The following PLCD3 variants were observed in gnomAD, a reference collection of about 807,000 sequenced individuals.
PLCD3 encodes the protein 1-phosphatidylinositol 4,5-bisphosphate phosphodiesterase delta-3.
Under a neutral mutation model 82.8 loss-of-function variants are expected in PLCD3, and 62 were observed. The observed-to-expected ratio is 0.75, with a 90% CI of 0.61 to 0.93. The LOEUF is 0.93. Ranked by LOEUF, PLCD3 falls within the 40% of genes least tolerant of loss-of-function variation. The probability of loss-of-function intolerance (pLI) is 0.00; values close to 1 mark genes in which losing one functional copy is unlikely to be tolerated. For missense variants in PLCD3, 1,023 were observed against 1,103.4 expected, an observed-to-expected ratio of 0.93 and a Z score of 1.03; for synonymous variants, 478 against 471.8, an observed-to-expected ratio of 1.01 and a Z score of -0.17.
intron 1 of PLCD3, among the ~76,000 whole-genome samples, chr17:45,122,595 T>C (rs763197240): frequency 6.6e-6 from 1 of 152,164 alleles, no homozygotes; most frequent in Admixed American, 6.5e-5. Context: ...ATTTAATACA[T>C]GGCCCCAGTG....
In PLCD3 at chr17:45,118,109, T is replaced by C; in HGVS notation, c.1145A>G (p.Glu382Gly). 1 of 1,613,900 alleles carries C rather than the reference T, an allele frequency of 6.2e-7. No homozygotes were observed. Among genetic ancestry groups the C allele is most frequent in the Non-Finnish European group, 8.5e-7 (1 of 1,179,860 alleles). ...RAFAQGCRCV[E>G]LDCWEGPGGE... ...TCCTGGCCCCTCCCAGCAGTCCAGC[T>C]CCACGCAGCGGCATCCCTGGGCAAA... The change falls in exon 7 of 15, where the codon GAG (glutamate) becomes GGG (glycine). Residue 382 changes from glutamate to glycine, a missense_variant. By Grantham distance (98) the Glu-to-Gly change is moderately conservative. This residue lies in a region of PLCD3 where 553 missense variants were observed against 655.7 expected (regional missense o/e 0.84). Coordinates refer to ENST00000619929, the MANE Select transcript of PLCD3 (RefSeq NM_133373.5). This position sits in a 1 kb window ranked among gnomAD's most constrained non-coding sequence, Gnocchi z 4.1.
rs994089262 is a variant in PLCD3 at position 45,112,481 on chromosome 17, G to A, written c.*135C>T. On this transcript the variant is annotated 3_prime_UTR_variant, in exon 15 of 15. Coordinates refer to ENST00000619929, the MANE Select transcript of PLCD3 (RefSeq NM_133373.5). ...CAGCACCCAGGTGAGACCAGCGCCT[G>A]GTGAATGGGCTGAGTGGGCCAAGTG... 4.4e-5 allele frequency: 43 copies of A among 969,730 alleles called. No individual in the cohort carries two copies. The highest frequency in any genetic ancestry group is 3.5e-4 in the Admixed American group (17 of 48,754). 60.1% of individuals were successfully genotyped at this position (969,730 alleles called of 1,614,324 possible).
At chr17:45,112,750 G>A (rs1218695774) in intron 14 of PLCD3, 46 bp from the exon 15 acceptor site, 7 of 1,591,174 alleles carry the variant, frequency 4.4e-6, no homozygotes, top group African/African-American at 1.3e-5. Flanking sequence ...GCACCCTGGG[G>A]GTCTGGCCCA....
chr17:45,124,431 G>A (rs7223320), intron 1 of PLCD3, among the ~76,000 whole-genome samples: 113,127 of 152,158 alleles, frequency 0.74, 43,092 homozygotes, highest in South Asian at 0.86. Flanking sequence ...CACACACCCA[G>A]TGGAAAAGCC....
chr17:45,120,543 G>C, intron 3 of PLCD3, 89 bp from the exon 4 acceptor site: 1 of 1,567,452 alleles, frequency 6.4e-7, no homozygotes. Flanking sequence ...CCTGGGTCTG[G>C]GGGATCCCCA....
Position 45,114,366 on chromosome 17 carries a change from C to T in PLCD3, c.1712G>A (p.Gly571Glu), listed in dbSNP as rs1490994126. ...GGCATTGTGCCTGACAAAGCTGTTCCCTGGGGCAGAGTTGGGGTGAGACCG... is the reference window on the plus strand; with the variant it reads ...GGCATTGTGCCTGACAAAGCTGTTCTCTGGGGCAGAGTTGGGGTGAGACCG... ...RKAKKLIREAGNSFVRHNARQ... is the reference protein window; with the variant it reads ...RKAKKLIREAENSFVRHNARQ... The change falls in exon 11 of 15, where the codon GGG (glycine) becomes GAG (glutamate). Residue 571 changes from glycine (G) to glutamate (E), a missense_variant and splice_region_variant. Around this residue, in one of 3 missense-constraint regions of PLCD3, gnomAD observed 553 missense variants for 655.7 expected, o/e 0.84. Transcript: ENST00000619929. 6.5e-7 allele frequency: 1 copy of T among 1,548,052 alleles called. No individual in the cohort carries two copies. The highest frequency in any genetic ancestry group is 8.7e-7 in the Non-Finnish European group (1 of 1,145,728).
At chr17:45,128,778 A>G (rs2054399867) in intron 1 of PLCD3, among the ~76,000 whole-genome samples, 1 of 152,250 alleles carries the variant, frequency 6.6e-6, no homozygotes, top group South Asian at 2.1e-4. Context: ...TTTAGTATAA[A>G]TACATTCCAT....
chr17:45,126,197 C>G (rs1298437495), intron 1 of PLCD3, among the ~76,000 whole-genome samples: 1 of 151,742 alleles, frequency 6.6e-6, no homozygotes, highest in Non-Finnish European at 1.5e-5. Flanking sequence ...GTGCCCGCCA[C>G]CACACCTGGC....
intron 11 of PLCD3, 92 bp downstream of exon 11, chr17:45,114,158 A>T: frequency 2.2e-6 from 2 of 915,016 alleles, no homozygotes; most frequent in Non-Finnish European, 3.2e-6. Flanking sequence ...GCGTGTTTCC[A>T]CCGTCTGGAA....
In PLCD3 at chr17:45,112,091, C is replaced by T. The variant is rs1011317639; in HGVS notation, c.*525G>A. 3 of 156,510 alleles carry T rather than the reference C, an allele frequency of 1.9e-5. No individual in the cohort carries two copies. The highest frequency in any genetic ancestry group is 2.8e-5 in the Non-Finnish European group (2 of 70,916). 9.7% of individuals were successfully genotyped at this position (156,510 alleles called of 1,614,324 possible). A position where few individuals can be genotyped will look rare whatever the true frequency, so the allele number is the denominator to read the frequency against. On this transcript the variant is annotated 3_prime_UTR_variant, in exon 15 of 15. Coordinates refer to ENST00000619929, the MANE Select transcript of PLCD3 (RefSeq NM_133373.5). The stretch of plus-strand genomic sequence containing the variant: ...GTTTCCCCAGGGCTTCATGCCTCAG[C>T]GCTCCCTTCTTGCTTTGAGAAGGGA...
chr17:45,118,638 G>T lies in PLCD3; in HGVS notation c.914-146C>A. ...ATGTAAGTCATGCCACTTAACCTTC[G>T]ACCAGACCCTGGGAGGAAGACAAAC... is the stretch of plus-strand genomic sequence containing the variant. On this transcript the variant is annotated intron_variant, in intron 5 of 14. Transcript: ENST00000619929. This position sits in a 1 kb window ranked among gnomAD's most constrained non-coding sequence, Gnocchi z 4.1. 1 of 1,150,266 alleles carries T rather than the reference G, an allele frequency of 8.7e-7. No individual in the cohort carries two copies. Among genetic ancestry groups the T allele is most frequent in the Non-Finnish European group, 1.2e-6 (1 of 816,684 alleles). 71.3% of individuals were successfully genotyped at this position (1,150,266 alleles called of 1,614,324 possible).
At position 45,121,235 on chromosome 17, in the gene PLCD3, G is replaced by C; in HGVS notation, c.301C>G (p.Pro101Ala). ...GLSVWFQRRI[P>A]RAPSQHIFFV... Reference sequence around the variant, plus strand: ...CAGATGTGCTGCGATGGCGCACGCGGGATGCGCCGCTGGAACCACACGCTC... The same window carrying C: ...CAGATGTGCTGCGATGGCGCACGCGCGATGCGCCGCTGGAACCACACGCTC... The change falls in exon 2 of 15, where the codon CCG becomes GCG. Residue 101 changes from proline to alanine, a missense_variant. Pro to Ala is a conservative substitution (Grantham distance 27). Transcript: ENST00000619929. 1 of 1,590,910 alleles carries C rather than the reference G, an allele frequency of 6.3e-7. No individual in the cohort carries two copies. Among genetic ancestry groups the C allele is most frequent in the Non-Finnish European group, 8.5e-7 (1 of 1,176,622 alleles).
intron 1 of PLCD3, 58 bp from the exon 2 acceptor site, chr17:45,121,430 C>T (rs2054340160): frequency 3.5e-6 from 5 of 1,436,132 alleles, no homozygotes; most frequent in Admixed American, 5.4e-5. Flanking sequence ...GCTCCCCTGC[C>T]CTCCCCCGCT....
rs867370827 is a variant in PLCD3, at chr17:45,115,214, G to A, written c.1591C>T (p.Leu531=). Reference sequence around the variant, plus strand: ...CGGGTGGCGTGGCAGTACACAGCCAGGGCCGACAGCTCCGGGGAGATCTGC... The same window carrying A: ...CGGGTGGCGTGGCAGTACACAGCCAAGGCCGACAGCTCCGGGGAGATCTGC... ...AKQISPELSA[L]AVYCHATRLR... The change falls in exon 10 of 15, where the codon CTG becomes TTG. Residue 531 remains leucine, a synonymous_variant. Coordinates refer to ENST00000619929, the MANE Select transcript of PLCD3 (RefSeq NM_133373.5). 1 of 1,576,354 alleles carries A rather than the reference G, an allele frequency of 6.3e-7. No homozygotes were observed. Among genetic ancestry groups the A allele is most frequent in the Non-Finnish European group, 8.6e-7 (1 of 1,159,928 alleles).
In PLCD3 at chr17:45,110,398, C is replaced by T. The variant is rs2054232447; in HGVS notation, c.*2218G>A. The T allele has an allele frequency of 1.3e-5, 2 of 150,896 alleles. No homozygotes were observed. Among genetic ancestry groups the T allele is most frequent in the African/African-American group, 4.9e-5 (2 of 40,856 alleles). 9.3% of individuals were successfully genotyped at this position (150,896 alleles called of 1,614,324 possible). Reference sequence around the variant, plus strand: ...GGCAGAGGTTGCAGTGAGCCGAGATCACGCCATCGCACTCCATCCTGGGGG... The same window carrying T: ...GGCAGAGGTTGCAGTGAGCCGAGATTACGCCATCGCACTCCATCCTGGGGG... On this transcript the variant is annotated 3_prime_UTR_variant, in exon 15 of 15. Coordinates refer to ENST00000619929, the MANE Select transcript of PLCD3 (RefSeq NM_133373.5).
chr17:45,119,159 A>G, intron 4 of PLCD3, 116 bp from the exon 5 acceptor site: 1 of 747,866 alleles, frequency 1.3e-6, no homozygotes, highest in Non-Finnish European at 2.1e-6. Context: ...TCACAGGTGG[A>G]AAAACAGAGT....
At chr17:45,121,512 C>T (rs1289801540) in intron 1 of PLCD3, 140 bp from the exon 2 acceptor site, 62 of 1,064,090 alleles carry the variant, frequency 5.8e-5, no homozygotes, top group Non-Finnish European at 7.6e-5. Context: ...CCCTCCCCCT[C>T]ACAGGACTCC....
chr17:45,125,376 A>G (rs2054373739), intron 1 of PLCD3, among the ~76,000 whole-genome samples: 2 of 152,108 alleles, frequency 1.3e-5, no homozygotes, highest in Non-Finnish European at 2.9e-5. Flanking sequence ...AGGCAGGCAG[A>G]TCATTTGAGG....
chr17:45,115,356 C>T lies in PLCD3; in HGVS notation c.1548G>A (p.Ala516=), dbSNP rs371484004. Residue 516 remains alanine (A), a synonymous_variant, in exon 9 of 15, where the codon GCG becomes GCA. Transcript: ENST00000619929. ...EEEEEEVEAA[A]QRRLAKQISP... ...TCCCAGCTCTCACCAGCCGCCTCTG[C>T]GCTGCAGCCTCCACCTCCTCTTCTT... 242 of 1,540,662 alleles carry T rather than the reference C, an allele frequency of 1.6e-4. No individual in the cohort carries two copies. The African/African-American group carries it at 2.2e-3, about 14-fold the overall frequency.
Sources: gnomAD v4.1 joint callset for allele counts (sites outside exome capture counted in the v4.1 genomes callset) on GRCh38, gnomAD v4.1.1 for gene constraint, gnomAD v4.1.1 regional missense constraint, Gnocchi (gnomAD v3.1) non-coding constraint, MANE v1.5 for transcripts, NCBI Gene and HGNC (gene_info 2026-07-23, HGNC 2026-07-21) for gene names.